Variants in SNTG1 observed in about 807,000 individuals in gnomAD.
SNTG1 encodes the protein gamma-1-syntrophin.
SNTG1 carries 39 observed loss-of-function variants against 74.7 expected under a neutral mutation model. The ratio of observed to expected loss-of-function variants is 0.52; its 90% CI spans 0.40 to 0.68. The LOEUF is 0.68. Ranked by LOEUF, SNTG1 falls within the 30% of genes least tolerant of loss-of-function variation. The pLI is 0.00. For synonymous variants in SNTG1, 254 were observed against 217.1 expected, an observed-to-expected ratio of 1.17 and a Z score of -1.49; for missense variants, 685 against 609.5, an observed-to-expected ratio of 1.12 and a Z score of -1.30.
chr8:50,722,807 T>G (rs1023885562), intron 17 of SNTG1, among the ~76,000 whole-genome samples: 2 of 152,184 alleles, frequency 1.3e-5, no homozygotes, highest in African/African-American at 4.8e-5. Context: ...AATATTTAAT[T>G]GTATTTTAAA....
rs183372826 is a variant in SNTG1, at chr8:50,123,887, C to T, written c.-102-48674C>T. On this transcript the variant is annotated intron_variant, in intron 1 of 18. Coordinates refer to ENST00000642720, the MANE Select transcript of SNTG1 (RefSeq NM_018967.5). ...GTAAGTAGCAGGGCTTGGAGTCAAACGTAGACATCCCATTTCCCAAGGTGA... is the reference window on the plus strand; with the variant it reads ...GTAAGTAGCAGGGCTTGGAGTCAAATGTAGACATCCCATTTCCCAAGGTGA... 1.8e-3 allele frequency among the ~76,000 whole-genome samples: 261 copies of T among 142,376 alleles called. 44 individuals carry two copies. In the Middle Eastern group the frequency reaches 0.023, roughly 12 times the overall value. The allele number at this position is 142,376 out of a possible 152,430, so 93.4% of individuals were successfully genotyped here.
intron 4 of SNTG1, among the ~76,000 whole-genome samples, chr8:50,411,512 G>A (rs1368305830): frequency 6.6e-6 from 1 of 151,770 alleles, no homozygotes; most frequent in East Asian, 1.9e-4. Flanking sequence ...AGGAGGAAGG[G>A]AAACATTTTT....
intron 18 of SNTG1, chr8:50,762,496 A>T: frequency 2.8e-6 from 1 of 362,104 alleles, no homozygotes; most frequent in African/African-American, 2.1e-5. Context: ...ACTCATTAGT[A>T]GCTTTTTTGA....
intron 2 of SNTG1, among the ~76,000 whole-genome samples, chr8:50,297,003 T>G (rs2089414657): frequency 6.6e-6 from 1 of 152,202 alleles, no homozygotes; most frequent in Non-Finnish European, 1.5e-5. Flanking sequence ...GGGGTCCACC[T>G]TATCCATCCC....
chr8:50,031,193 G>C (rs1817713158), intron 1 of SNTG1, among the ~76,000 whole-genome samples: 1 of 151,862 alleles, frequency 6.6e-6, no homozygotes, highest in East Asian at 1.9e-4. Context: ...GTTGATTTTT[G>C]TGTGTTGATC....
chr8:50,735,154 C>T (rs190989919), intron 17 of SNTG1, among the ~76,000 whole-genome samples: 6 of 151,178 alleles, frequency 4.0e-5, no homozygotes, highest in South Asian at 4.2e-4. Flanking sequence ...TCTTCCTGCC[C>T]GACATATTGG....
chr8:50,287,924 T>C (rs16914626), intron 2 of SNTG1, among the ~76,000 whole-genome samples: 10,598 of 152,254 alleles, frequency 0.07, 412 homozygotes, highest in African/African-American at 0.085. Flanking sequence ...GCTCATCATA[T>C]TGTGTTTTCC....
chr8:50,319,375 A>AATAT (rs2090442134), intron 2 of SNTG1, among the ~76,000 whole-genome samples: 1 of 152,022 alleles, frequency 6.6e-6, no homozygotes, highest in South Asian at 2.1e-4. Flanking sequence ...AAAATAAATA[A>AATAT]ATAAATAAAC....
At chr8:50,248,213 A>C (rs1054749519) in intron 2 of SNTG1, among the ~76,000 whole-genome samples, 1 of 152,198 alleles carries the variant, frequency 6.6e-6, no homozygotes, top group Non-Finnish European at 1.5e-5. Context: ...CAACATTTGC[A>C]TAATGGTGGG....
chr8:50,741,229 AT>A (rs2095542566), intron 17 of SNTG1, among the ~76,000 whole-genome samples: 1 of 151,950 alleles, frequency 6.6e-6, no homozygotes, highest in Non-Finnish European at 1.5e-5. Flanking sequence ...GGTTCAAGCA[AT>A]TCTTCTTCCT....
At chr8:50,160,809 C>T (rs991995224) in intron 1 of SNTG1, among the ~76,000 whole-genome samples, 3 of 152,064 alleles carry the variant, frequency 2.0e-5, no homozygotes, top group African/African-American at 7.2e-5. Flanking sequence ...AGCTGTAGTA[C>T]TTTTTTGGGA....
At chr8:50,402,366 T>A in intron 4 of SNTG1, 22 bp downstream of exon 4, 1 of 1,564,590 alleles carries the variant, frequency 6.4e-7, no homozygotes, top group Non-Finnish European at 8.6e-7. Context: ...TTTCTTCTGT[T>A]GAAATTTTTT....
chr8:50,470,430 T>C (rs1326989108), intron 8 of SNTG1, among the ~76,000 whole-genome samples: 1 of 152,164 alleles, frequency 6.6e-6, no homozygotes, highest in East Asian at 1.9e-4. Flanking sequence ...AGTTTGTTCC[T>C]TCAGATGTTC....
intron 18 of SNTG1, among the ~76,000 whole-genome samples, chr8:50,776,511 A>G (rs1416907865): frequency 6.8e-6 from 1 of 147,700 alleles, no homozygotes; most frequent in Non-Finnish European, 1.5e-5. Context: ...TAGATATATT[A>G]TGTCTTATAT....
chr8:50,300,251 C>T (rs1563864835), intron 2 of SNTG1, among the ~76,000 whole-genome samples: 1 of 151,990 alleles, frequency 6.6e-6, no homozygotes, highest in African/African-American at 2.4e-5. Context: ...AGTTTGTATA[C>T]TTATTTGTTT....
At chr8:49,939,798 G>T (rs1180704208) in intron 1 of SNTG1, among the ~76,000 whole-genome samples, 4 of 152,254 alleles carry the variant, frequency 2.6e-5, no homozygotes, top group Middle Eastern at 3.4e-3. Context: ...CTGCTAGAAA[G>T]CATTGGGTTT....
At position 50,704,344 on chromosome 8, in the gene SNTG1, G is replaced by T. The variant is rs186231954; in HGVS notation, c.1039-256G>T. ...GTCTTGTATGTTAAATGCTTTGGTG[G>T]TTATATTGTTAGTAAGAGATGAAGC... On this transcript the variant is annotated intron_variant, in intron 15 of 18. Coordinates refer to ENST00000642720, the MANE Select transcript of SNTG1 (RefSeq NM_018967.5). 7.2e-5 allele frequency among the ~76,000 whole-genome samples: 11 copies of T among 152,270 alleles called. No homozygotes were observed. The East Asian group carries it at 1.5e-3, about 21-fold the overall frequency.
At chr8:50,323,513 C>T (rs559572983) in intron 2 of SNTG1, among the ~76,000 whole-genome samples, 41 of 152,132 alleles carry the variant, frequency 2.7e-4, no homozygotes, top group Non-Finnish European at 4.4e-4. Context: ...TACCCTAAGC[C>T]AAATAATGCT....
At chr8:49,956,943 G>A (rs896051238) in intron 1 of SNTG1, among the ~76,000 whole-genome samples, 7 of 152,210 alleles carry the variant, frequency 4.6e-5, no homozygotes, top group East Asian at 1.9e-4. Context: ...GTTTATATGT[G>A]GAATGTAAGA....
Sources: allele counts gnomAD v4.1 joint callset (sites outside exome capture counted in the v4.1 genomes callset), GRCh38; gene constraint gnomAD v4.1.1; transcripts MANE v1.5; gene names NCBI Gene and HGNC (gene_info 2026-07-23, HGNC 2026-07-21).